Variants in FGFR1 observed in about 807,000 individuals in gnomAD.
FGFR1 encodes fibroblast growth factor receptor 1, also known as FGFR1/PLAG1 fusion.
A neutral mutation model predicts 93.7 loss-of-function variants in FGFR1; 18 were observed. That is an observed-to-expected ratio of 0.19 (90% confidence interval 0.13 to 0.28). FGFR1 has a LOEUF of 0.28. Ranked by LOEUF, FGFR1 falls within the 10% of genes least tolerant of loss-of-function variation. The pLI is 1.00. For synonymous variants in FGFR1, 448 were observed against 429.3 expected (o/e 1.04, Z -0.54); for missense variants, 731 against 1,080.4 (o/e 0.68, Z 4.53).
Position 38,413,679 on chromosome 8 carries a change from G to T in FGFR1, c.2418C>A (p.Cys806Ter), listed in dbSNP as rs763600740. The T allele has an allele frequency of 5.6e-6, 9 of 1,613,592 alleles. No homozygotes were observed. The highest frequency in any genetic ancestry group is 6.8e-6 in the Non-Finnish European group (8 of 1,179,850). The change falls in exon 18 of 18, where the codon TGC becomes TGA. Residue 806 changes from cysteine to a stop codon, truncating the protein, a stop_gained. Transcript: ENST00000447712. LOFTEE classifies it high-confidence loss of function. The surrounding 1 kb of genome is among the most constrained non-coding windows in gnomAD (Gnocchi z 4.2). ...CAAGCTGGGCTGGGTGTCGGGGCAG[G>T]CAGGGCTCCTCGGGCAGCGGCTCAT... ...FSHEPLPEEPCLPRHPAQLAN... is the reference protein window; with the variant it reads ...FSHEPLPEEP
At position 38,419,527 on chromosome 8, in the gene FGFR1, A is replaced by T. The variant is rs1817941805; in HGVS notation, c.1284+6T>A. On this transcript the variant is annotated splice_donor_region_variant and intron_variant, in intron 9 of 17. Transcript: ENST00000447712. ...TGCTGAGTGTGCAAATCCCCCATCTACTTTCTGTTACCTGTCTGCGCAGAG... is the reference window on the plus strand; with the variant it reads ...TGCTGAGTGTGCAAATCCCCCATCTTCTTTCTGTTACCTGTCTGCGCAGAG... 6.2e-7 allele frequency: 1 copy of T among 1,613,248 alleles called. No homozygotes were observed. Among genetic ancestry groups the T allele is most frequent in the Non-Finnish European group, 8.5e-7 (1 of 1,179,516 alleles).
Position 38,424,746 on chromosome 8 carries a change from G to A in FGFR1, c.746-47C>T, listed in dbSNP as rs1214716768. 1.3e-6 allele frequency: 2 copies of A among 1,587,302 alleles called. No homozygotes were observed. The highest frequency in any genetic ancestry group is 1.1e-5 in the South Asian group (1 of 87,828). The stretch of plus-strand genomic sequence containing the variant: ...GCACTTGTCATGGGGACCTTGCCAT[G>A]GCTAAAGAGGGGTGGGCTCACCTGC... On this transcript the variant is annotated intron_variant, in intron 6 of 17. Coordinates refer to ENST00000447712, the MANE Select transcript of FGFR1 (RefSeq NM_023110.3). This position sits in a 1 kb window ranked among gnomAD's most constrained non-coding sequence, Gnocchi z 4.3.
At chr8:38,441,570 T>C (rs530673813) in intron 2 of FGFR1, among the ~76,000 whole-genome samples, 5 of 152,198 alleles carry the variant, frequency 3.3e-5, no homozygotes, top group Non-Finnish European at 5.9e-5. Flanking sequence ...ACACTTTGCT[T>C]CTCTCCCTCC....
At chr8:38,457,602 A>C in intron 1 of FGFR1, 68 bp from the exon 2 acceptor site, 1 of 1,483,754 alleles carries the variant, frequency 6.7e-7, no homozygotes, top group East Asian at 2.5e-5. Context: ...GAAAAACAGA[A>C]GGTAAAGTAT....
intron 6 of FGFR1, among the ~76,000 whole-genome samples, chr8:38,425,147 T>C (rs925286541): frequency 1.0e-5 from 1 of 98,366 alleles, no homozygotes; most frequent in African/African-American, 3.0e-5. Context: ...CTTTTTACCT[T>C]TTTTTTTTTT....
intron 1 of FGFR1, among the ~76,000 whole-genome samples, chr8:38,459,165 C>A (rs1436220616): frequency 1.3e-5 from 2 of 152,258 alleles, no homozygotes; most frequent in East Asian, 3.9e-4. Flanking sequence ...ACTGTCAAGG[C>A]TACGTGGGGG....
rs1347511811 is a variant in FGFR1 at position 38,429,091 on chromosome 8, C to G, written c.358+591G>C. ...ACCTTTGGGGATCTGCTGCCAAGTC[C>G]ACACCCTGAGGTGCATAAATGGCAT... On this transcript the variant is annotated intron_variant, in intron 3 of 17. Coordinates refer to ENST00000447712, the MANE Select transcript of FGFR1 (RefSeq NM_023110.3). The surrounding 1 kb of genome is among the most constrained non-coding windows in gnomAD (Gnocchi z 4.4). The G allele has an allele frequency of 2.8e-6, 1 of 354,866 alleles. No homozygotes were observed. The highest frequency in any genetic ancestry group is 7.5e-5 in the East Asian group (1 of 13,394). 22.0% of individuals were successfully genotyped at this position (354,866 alleles called of 1,614,324 possible).
In FGFR1 at chr8:38,411,366, A is replaced by C; in HGVS notation, c.*2262T>G. On this transcript the variant is annotated 3_prime_UTR_variant, in exon 18 of 18. Transcript: ENST00000447712. Reference sequence around the variant, plus strand: ...AAATTATCATCACTGTTTTACAAGGAAAGACACTCCTGTGCGGTCTCAAAG... The same window carrying C: ...AAATTATCATCACTGTTTTACAAGGCAAGACACTCCTGTGCGGTCTCAAAG... 4.6e-6 allele frequency: 1 copy of C among 219,652 alleles called. No individual in the cohort carries two copies. The highest frequency in any genetic ancestry group is 9.1e-6 in the Non-Finnish European group (1 of 109,530). The allele number at this position is 219,652 out of a possible 1,614,324, so 13.6% of individuals were successfully genotyped here.
chr8:38,459,137 T>G (rs1288233981), intron 1 of FGFR1, among the ~76,000 whole-genome samples: 1 of 152,168 alleles, frequency 6.6e-6, no homozygotes. Flanking sequence ...ATTTACCAAG[T>G]GACAAGACTT....
At chr8:38,453,510 A>T (rs1831780783) in intron 2 of FGFR1, among the ~76,000 whole-genome samples, 1 of 152,234 alleles carries the variant, frequency 6.6e-6, no homozygotes, top group Non-Finnish European at 1.5e-5. Flanking sequence ...AGCCAAAATC[A>T]AAACCAGGGC....
In FGFR1 at chr8:38,468,472, C is replaced by T. The variant is rs1586839244; in HGVS notation, c.-580G>A. The stretch of plus-strand genomic sequence containing the variant: ...CGGGGAAGGCGAGGTCGCCGCAATG[C>T]GCTACGAGGGGTCTCGGTCCCGTCC... On this transcript the variant is annotated 5_prime_UTR_variant, in exon 1 of 18. Coordinates refer to ENST00000447712, the MANE Select transcript of FGFR1 (RefSeq NM_023110.3). 2.6e-5 allele frequency: 6 copies of T among 228,698 alleles called. No homozygotes were observed. In the East Asian group the frequency reaches 3.7e-4, roughly 14 times the overall value. The allele number at this position is 228,698 out of a possible 1,614,324, so 14.2% of individuals were successfully genotyped here.
chr8:38,419,590 G>C lies in FGFR1; in HGVS notation c.1227C>G (p.His409Gln), dbSNP rs758359914. 1.2e-6 allele frequency: 2 copies of C among 1,614,160 alleles called. No individual in the cohort carries two copies. Among genetic ancestry groups the C allele is most frequent in the South Asian group, 2.2e-5 (2 of 91,084 alleles). The change falls in exon 9 of 18, where the codon CAC becomes CAG. Residue 409 changes from histidine to glutamine, a missense_variant. Physicochemically the swap from His to Gln is conservative, Grantham distance 24. Transcript: ENST00000447712. Reference sequence around the variant, plus strand: ...CCAGCTTGTGCACAGCCATCTGGCTGTGGAAGTCACTCTTCTTGGTACCAC... The same window carrying C: ...CCAGCTTGTGCACAGCCATCTGGCTCTGGAAGTCACTCTTCTTGGTACCAC... ...MKSGTKKSDF[H>Q]SQMAVHKLAK... is the part of the protein sequence containing the mutation.
intron 2 of FGFR1, among the ~76,000 whole-genome samples, chr8:38,434,172 G>A (rs1441934279): frequency 6.6e-6 from 1 of 152,116 alleles, no homozygotes; most frequent in Non-Finnish European, 1.5e-5. Flanking sequence ...CAGATATTGG[G>A]TATAATGTTT....
intron 12 of FGFR1, among the ~76,000 whole-genome samples, chr8:38,416,705 T>C (rs1004569930): frequency 1.3e-5 from 2 of 152,104 alleles, no homozygotes; most frequent in African/African-American, 4.8e-5. Flanking sequence ...TCCACCCGCC[T>C]CACCCTCCCA....
intron 5 of FGFR1, 115 bp downstream of exon 5, chr8:38,427,806 T>C (rs1821328085): frequency 8.9e-7 from 1 of 1,120,020 alleles, no homozygotes. Flanking sequence ...TTTTAATGAA[T>C]AACCTGTATA....
chr8:38,419,047 T>C (rs1045601079), intron 9 of FGFR1, among the ~76,000 whole-genome samples: 3 of 152,244 alleles, frequency 2.0e-5, no homozygotes, highest in African/African-American at 7.2e-5. Flanking sequence ...TCTGCCGCCA[T>C]GTGAGACGTG....
chr8:38,447,109 AC>A (rs1829565410), intron 2 of FGFR1, among the ~76,000 whole-genome samples: 1 of 79,214 alleles, frequency 1.3e-5, no homozygotes, highest in Non-Finnish European at 2.5e-5. Flanking sequence ...ACACACACAC[AC>A]ACACACACAC....
In FGFR1 at chr8:38,421,918, G is replaced by C. The variant is rs2150758431; in HGVS notation, c.960C>G (p.Asp320Glu). ...TTAAGTGAAGCACCTCCATCTCTTTGTCGGTGGTATTAACTCCAGCAGTCT... is the reference window on the plus strand; with the variant it reads ...TTAAGTGAAGCACCTCCATCTCTTTCTCGGTGGTATTAACTCCAGCAGTCT... ...ILKTAGVNTT[D>E]KEMEVLHLRN... The change falls in exon 8 of 18, where the codon GAC becomes GAG. Residue 320 changes from aspartate (D) to glutamate (E), a missense_variant. Coordinates refer to ENST00000447712, the MANE Select transcript of FGFR1 (RefSeq NM_023110.3). The C allele has an allele frequency of 6.2e-7, 1 of 1,614,120 alleles. No individual in the cohort carries two copies. The highest frequency in any genetic ancestry group is 1.1e-5 in the South Asian group (1 of 91,078).
intron 3 of FGFR1, 45 bp from the exon 4 acceptor site, chr8:38,428,480 T>C: frequency 6.7e-7 from 1 of 1,495,744 alleles, no homozygotes; most frequent in Non-Finnish European, 9.2e-7. Flanking sequence ...TAGGGACCCC[T>C]AGATTTCACC....
Sources: allele counts gnomAD v4.1 joint callset (sites outside exome capture counted in the v4.1 genomes callset), GRCh38; gene constraint gnomAD v4.1.1; non-coding constraint Gnocchi (gnomAD v3.1); transcripts MANE v1.5; gene names NCBI Gene and HGNC (gene_info 2026-07-23, HGNC 2026-07-21).